NCAM2: variants seen among roughly 807,000 people sequenced by gnomAD.
NCAM2 encodes the protein neural cell adhesion molecule 2.
NCAM2 carries 30 observed loss-of-function variants against 98.1 expected under a neutral mutation model. The ratio of observed to expected loss-of-function variants is 0.31; its 90% CI spans 0.23 to 0.41. The LOEUF is 0.41. NCAM2 is among the 10% of genes least tolerant of loss of function. The probability of loss-of-function intolerance (pLI) is 1.00; values close to 1 mark genes in which losing one functional copy is unlikely to be tolerated. For missense variants in NCAM2, 867 were observed against 1,005.8 expected (o/e 0.86, Z 1.87); for synonymous variants, 368 against 342.4 (o/e 1.07, Z -0.83).
chr21:21,188,200 C>A (rs886768886), intron 1 of NCAM2, among the ~76,000 whole-genome samples: 3 of 152,112 alleles, frequency 2.0e-5, no homozygotes, highest in Non-Finnish European at 2.9e-5. Context: ...GGAAAGTGAG[C>A]ATGAAGCAGA....
intron 9 of NCAM2, among the ~76,000 whole-genome samples, chr21:21,403,545 C>A (rs1162897635): frequency 6.6e-6 from 1 of 152,114 alleles, no homozygotes; most frequent in African/African-American, 2.4e-5. Context: ...CTTTTATACC[C>A]AAACAGTTGT....
intron 1 of NCAM2, among the ~76,000 whole-genome samples, chr21:21,068,077 G>A (rs1409471562): frequency 6.6e-6 from 1 of 150,522 alleles, no homozygotes; most frequent in Admixed American, 6.6e-5. Context: ...TGTGAAAGAT[G>A]TACATAACCA....
intron 16 of NCAM2, among the ~76,000 whole-genome samples, chr21:21,524,933 CA>C (rs1989244441): frequency 6.6e-6 from 1 of 151,916 alleles, no homozygotes; most frequent in African/African-American, 2.4e-5. Context: ...GAAAAAATCT[CA>C]AAAGAAATTT....
intron 1 of NCAM2, among the ~76,000 whole-genome samples, chr21:21,016,579 G>T (rs1444557108): frequency 2.0e-5 from 3 of 151,974 alleles, no homozygotes; most frequent in Admixed American, 2.0e-4. Flanking sequence ...TGCCATAAAA[G>T]AAAACTATGC....
intron 1 of NCAM2, among the ~76,000 whole-genome samples, chr21:21,076,086 G>A (rs530987535): frequency 3.3e-5 from 5 of 149,482 alleles, no homozygotes; most frequent in African/African-American, 1.2e-4. Flanking sequence ...CACTGCACTC[G>A]AGCCTGAGCG....
At chr21:21,345,149 T>G (rs1192278511) in intron 8 of NCAM2, among the ~76,000 whole-genome samples, 1 of 151,978 alleles carries the variant, frequency 6.6e-6, no homozygotes, top group African/African-American at 2.4e-5. Context: ...CCTTCCTAAG[T>G]AGGATGGATA....
At chr21:21,529,762 G>C (rs965989975) in intron 16 of NCAM2, among the ~76,000 whole-genome samples, 1 of 151,536 alleles carries the variant, frequency 6.6e-6, no homozygotes, top group South Asian at 2.1e-4. Context: ...CTCTCTCTCT[G>C]TGTTAATATT....
intron 12 of NCAM2, among the ~76,000 whole-genome samples, chr21:21,445,454 T>C (rs942048909): frequency 6.6e-6 from 1 of 152,152 alleles, no homozygotes; most frequent in African/African-American, 2.4e-5. Context: ...CCCACTGTTA[T>C]TGTGTGGGAG....
At chr21:21,453,019 A>C (rs1224174827) in intron 12 of NCAM2, among the ~76,000 whole-genome samples, 20 of 107,124 alleles carry the variant, frequency 1.9e-4, no homozygotes, top group African/African-American at 7.5e-4. Context: ...ATATAAAAAT[A>C]TATAATATAT....
At chr21:21,157,089 G>A (rs902498924) in intron 1 of NCAM2, among the ~76,000 whole-genome samples, 1 of 151,760 alleles carries the variant, frequency 6.6e-6, no homozygotes, top group African/African-American at 2.4e-5. Flanking sequence ...TGTGTAAGAT[G>A]CCTGCCACGT....
At position 21,542,919 on chromosome 21, in the gene NCAM2, C is replaced by T. The variant is rs1990288997; in HGVS notation, c.*4962C>T. 1 of 151,798 alleles carries T rather than the reference C, an allele frequency of 6.6e-6. No individual in the cohort carries two copies. Among genetic ancestry groups the T allele is most frequent in the Non-Finnish European group, 1.5e-5 (1 of 67,834 alleles). 9.4% of individuals were successfully genotyped at this position (151,798 alleles called of 1,614,324 possible). A position where few individuals can be genotyped will look rare whatever the true frequency, so the allele number is the denominator to read the frequency against. On this transcript the variant is annotated 3_prime_UTR_variant, in exon 18 of 18. Transcript: ENST00000400546. ...AAGAAATGATACTATTAAGAACAAA[C>T]CTACTTGTTCCAACTCTTAAAGAAA...
chr21:21,189,073 A>G (rs2068733337), intron 1 of NCAM2, among the ~76,000 whole-genome samples: 1 of 152,214 alleles, frequency 6.6e-6, no homozygotes, highest in African/African-American at 2.4e-5. Context: ...GAACCAAGAA[A>G]GCTTTAGCAT....
At chr21:21,114,312 C>T (rs1346960933) in intron 1 of NCAM2, among the ~76,000 whole-genome samples, 2 of 152,174 alleles carry the variant, frequency 1.3e-5, no homozygotes, top group Non-Finnish European at 2.9e-5. Flanking sequence ...CCTTTGCTCT[C>T]TACAAAAATT....
chr21:21,152,563 G>A (rs2067478379), intron 1 of NCAM2, among the ~76,000 whole-genome samples: 1 of 151,924 alleles, frequency 6.6e-6, no homozygotes, highest in Non-Finnish European at 1.5e-5. Context: ...AAGATGATCT[G>A]CTTAAGCCCT....
At chr21:21,384,273 A>G (rs897105375) in intron 9 of NCAM2, among the ~76,000 whole-genome samples, 1 of 151,464 alleles carries the variant, frequency 6.6e-6, no homozygotes, top group Non-Finnish European at 1.5e-5. Flanking sequence ...ATATTTACAT[A>G]TTTTATTTTA....
chr21:21,361,301 T>G (rs1003758223), intron 8 of NCAM2, among the ~76,000 whole-genome samples: 51 of 152,074 alleles, frequency 3.4e-4, no homozygotes, highest in Non-Finnish European at 6.8e-4. Flanking sequence ...GTTCTTCCAA[T>G]TATCTCTTGA....
At chr21:21,179,588 AAGT>A (rs1386224047) in intron 1 of NCAM2, among the ~76,000 whole-genome samples, 1 of 152,224 alleles carries the variant, frequency 6.6e-6, no homozygotes, top group African/African-American at 2.4e-5. Flanking sequence ...ATTTGTCAAG[AAGT>A]CATCCTCGTA....
At chr21:21,487,655 G>C (rs1986502934) in intron 15 of NCAM2, among the ~76,000 whole-genome samples, 1 of 152,020 alleles carries the variant, frequency 6.6e-6, no homozygotes, top group African/African-American at 2.4e-5. Flanking sequence ...TTAAAATATA[G>C]ATCTGGATAT....
intron 5 of NCAM2, among the ~76,000 whole-genome samples, chr21:21,321,729 A>G (rs879595743): frequency 5.9e-5 from 9 of 152,090 alleles, no homozygotes; most frequent in Non-Finnish European, 1.2e-4. Flanking sequence ...TGCAGCTTTC[A>G]TCCTCAGAGA....
Sources: gnomAD v4.1 joint callset for allele counts (sites outside exome capture counted in the v4.1 genomes callset) on GRCh38, gnomAD v4.1.1 for gene constraint, MANE v1.5 for transcripts, NCBI Gene and HGNC (gene_info 2026-07-23, HGNC 2026-07-21) for gene names.